Variants in ZNF407 observed in about 807,000 individuals in gnomAD.
ZNF407 encodes zinc finger protein 407.
Under a neutral mutation model 131.2 loss-of-function variants are expected in ZNF407, and 17 were observed. The observed-to-expected ratio is 0.13, with a 90% CI of 0.09 to 0.19. The LOEUF (loss-of-function observed/expected upper bound fraction) is 0.19. ZNF407 is among the 10% of genes least tolerant of loss of function. The pLI is 1.00. For synonymous variants in ZNF407, 1,156 were observed against 1,062.0 expected (o/e 1.09, Z -1.72); for missense variants, 2,681 against 2,830.6 (o/e 0.95, Z 1.20).
intron 8 of ZNF407, among the ~76,000 whole-genome samples, chr18:75,053,006 A>G (rs1973520275): frequency 6.6e-6 from 1 of 152,220 alleles, no homozygotes; most frequent in South Asian, 2.1e-4. Flanking sequence ...TAATTTTTTT[A>G]AAAGATAGTT....
At chr18:75,037,965 T>C in intron 8 of ZNF407, among the ~76,000 whole-genome samples, 1 of 152,230 alleles carries the variant, frequency 6.6e-6, no homozygotes, top group East Asian at 1.9e-4. Context: ...AGATGATTTT[T>C]TTGAGATTAA....
At chr18:74,864,122 G>T (rs897993144) in intron 4 of ZNF407, among the ~76,000 whole-genome samples, 1 of 152,074 alleles carries the variant, frequency 6.6e-6, no homozygotes, top group Non-Finnish European at 1.5e-5. Context: ...TATGATGGTT[G>T]GTTGGGCTGC....
intron 3 of ZNF407, among the ~76,000 whole-genome samples, chr18:74,679,156 G>C (rs1041573955): frequency 6.6e-6 from 1 of 152,212 alleles, no homozygotes. Context: ...ACTAAAAATT[G>C]TATTAGAACC....
chr18:74,609,133 C>T (rs1982942164), intron 1 of ZNF407, among the ~76,000 whole-genome samples: 1 of 152,200 alleles, frequency 6.6e-6, no homozygotes, highest in South Asian at 2.1e-4. Flanking sequence ...GAAGTACATG[C>T]ATTTGCTGAT....
intron 4 of ZNF407, among the ~76,000 whole-genome samples, chr18:74,870,393 C>A (rs1250155206): frequency 2.0e-5 from 3 of 152,158 alleles, no homozygotes; most frequent in African/African-American, 7.2e-5. Context: ...GTAGGAGGCT[C>A]CCTGGTGAAC....
At chr18:74,707,321 T>C (rs995744308) in intron 3 of ZNF407, among the ~76,000 whole-genome samples, 1 of 152,212 alleles carries the variant, frequency 6.6e-6, no homozygotes, top group Non-Finnish European at 1.5e-5. Flanking sequence ...TAGTTCCTAA[T>C]AAGTGAATTA....
chr18:75,061,312 A>C (rs533521394), intron 8 of ZNF407: 1 of 152,336 alleles, frequency 6.6e-6, no homozygotes, highest in East Asian at 1.9e-4. Context: ...TCATTCTCTT[A>C]TTTAGGAGGG....
rs376114695 is a variant in ZNF407 at position 74,631,849 on chromosome 18, G to A, written c.830G>A (p.Arg277His). 20 of 1,613,904 alleles carry A rather than the reference G, an allele frequency of 1.2e-5. No individual in the cohort carries two copies. The highest frequency in any genetic ancestry group is 1.7e-5 in the Admixed American group (1 of 60,012). Residue 277 changes from arginine to histidine, a missense_variant, in exon 2 of 9, where the codon CGT becomes CAT. Around this residue, in one of 6 missense-constraint regions of ZNF407, gnomAD observed 1,789 missense variants for 1,748.7 expected, o/e 1.02. Transcript: ENST00000299687. ...THLRRQNLAARGGFVQILTKQ... is the reference protein window; with the variant it reads ...THLRRQNLAAHGGFVQILTKQ... ...CTCCGTCGTCAGAATCTGGCTGCTC[G>A]TGGAGGATTTGTACAGATCTTAACA...
At chr18:74,766,315 A>G (rs1360923781) in intron 3 of ZNF407, among the ~76,000 whole-genome samples, 2 of 152,180 alleles carry the variant, frequency 1.3e-5, no homozygotes, top group South Asian at 2.1e-4. Flanking sequence ...GTGGTATGGG[A>G]TTCCACAGAA....
chr18:75,013,312 G>A (rs922123043), intron 8 of ZNF407, among the ~76,000 whole-genome samples: 2 of 152,082 alleles, frequency 1.3e-5, no homozygotes, highest in East Asian at 1.9e-4. Flanking sequence ...TTCACAGCAG[G>A]AATTGTTGTA....
intron 3 of ZNF407, among the ~76,000 whole-genome samples, chr18:74,692,576 A>G (rs1967251567): frequency 6.6e-6 from 1 of 151,794 alleles, no homozygotes. Context: ...TTTTTCCTTG[A>G]CACCTTTCCT....
intron 1 of ZNF407, among the ~76,000 whole-genome samples, chr18:74,611,813 A>G (rs1411195699): frequency 6.6e-6 from 1 of 152,162 alleles, no homozygotes; most frequent in East Asian, 1.9e-4. Context: ...CTGTGGACCT[A>G]CTGAATCAGC....
intron 4 of ZNF407, among the ~76,000 whole-genome samples, chr18:74,836,097 T>C (rs1360437243): frequency 6.6e-6 from 1 of 151,416 alleles, no homozygotes; most frequent in African/African-American, 2.4e-5. Context: ...ATGTAAGGAG[T>C]TAAGAAGTTT....
intron 1 of ZNF407, among the ~76,000 whole-genome samples, chr18:74,613,008 T>C (rs1330330014): frequency 2.0e-5 from 3 of 152,338 alleles, no homozygotes; most frequent in East Asian, 3.9e-4. Flanking sequence ...CATACATGAC[T>C]TTATCATTCT....
At chr18:74,667,781 A>C (rs550381926) in intron 3 of ZNF407, among the ~76,000 whole-genome samples, 25 of 152,336 alleles carry the variant, frequency 1.6e-4, no homozygotes, top group Admixed American at 2.6e-4. Context: ...GCTTCCATAT[A>C]GTTACAAAGG....
chr18:74,834,454 A>T (rs1179024751), intron 4 of ZNF407, among the ~76,000 whole-genome samples: 1 of 152,218 alleles, frequency 6.6e-6, no homozygotes, highest in Admixed American at 6.5e-5. Context: ...TAGTATAGAC[A>T]TCTTTGAGAG....
intron 8 of ZNF407, among the ~76,000 whole-genome samples, chr18:74,981,889 G>A (rs979979815): frequency 2.6e-5 from 4 of 152,214 alleles, no homozygotes; most frequent in African/African-American, 9.7e-5. Context: ...CCAAATGCTG[G>A]TATGAGGCTT....
At chr18:74,749,870 A>T (rs902963679) in intron 3 of ZNF407, among the ~76,000 whole-genome samples, 2 of 152,184 alleles carry the variant, frequency 1.3e-5, no homozygotes, top group Non-Finnish European at 2.9e-5. Flanking sequence ...AAGTATGATA[A>T]GTTATTGGAG....
At chr18:74,971,901 T>C (rs1972477087) in intron 8 of ZNF407, among the ~76,000 whole-genome samples, 1 of 152,206 alleles carries the variant, frequency 6.6e-6, no homozygotes, top group Non-Finnish European at 1.5e-5. Context: ...GGACTTGCAG[T>C]TCCACATGGC....
Sources: gnomAD v4.1 joint callset for allele counts (sites outside exome capture counted in the v4.1 genomes callset) on GRCh38, gnomAD v4.1.1 for gene constraint, gnomAD v4.1.1 regional missense constraint, MANE v1.5 for transcripts, NCBI Gene and HGNC (gene_info 2026-07-23, HGNC 2026-07-21) for gene names.